NAV3: variants seen among roughly 807,000 people sequenced by gnomAD.
NAV3 encodes the protein pore membrane and/or filament interacting like protein 1.
NAV3 carries 87 observed loss-of-function variants against 244.7 expected under a neutral mutation model. That is an observed-to-expected ratio of 0.36 (90% confidence interval 0.30 to 0.42). The LOEUF (loss-of-function observed/expected upper bound fraction) is 0.42. Ranked by LOEUF, NAV3 falls within the 20% of genes least tolerant of loss-of-function variation. NAV3 has a pLI of 1.00. For missense variants in NAV3, 2,663 were observed against 2,893.3 expected (o/e 0.92, Z 1.83); for synonymous variants, 1,126 against 1,042.2 (o/e 1.08, Z -1.55).
intron 2 of NAV3, among the ~76,000 whole-genome samples, chr12:77,638,526 A>G (rs1348886382): frequency 1.3e-5 from 2 of 152,238 alleles, no homozygotes; most frequent in Non-Finnish European, 2.9e-5. Flanking sequence ...GTAGTTAAGT[A>G]TGCACAGTCT....
chr12:77,657,630 C>G (rs1445965461), intron 2 of NAV3, among the ~76,000 whole-genome samples: 1 of 152,110 alleles, frequency 6.6e-6, no homozygotes, highest in African/African-American at 2.4e-5. Context: ...ATCCTGATAC[C>G]AAAGCCGGGC....
At chr12:77,650,963 A>G (rs1468636983) in intron 2 of NAV3, among the ~76,000 whole-genome samples, 3 of 152,078 alleles carry the variant, frequency 2.0e-5, no homozygotes, top group Non-Finnish European at 4.4e-5. Context: ...TAAAAATTCC[A>G]TTTTTTATAA....
chr12:77,782,488 G>A (rs1319758374), intron 2 of NAV3, among the ~76,000 whole-genome samples: 1 of 152,040 alleles, frequency 6.6e-6, no homozygotes, highest in Non-Finnish European at 1.5e-5. Flanking sequence ...TTAAAAACTT[G>A]CTTCATGAAT....
At chr12:77,711,342 C>T (rs911171996) in intron 2 of NAV3, among the ~76,000 whole-genome samples, 4 of 152,206 alleles carry the variant, frequency 2.6e-5, no homozygotes, top group African/African-American at 9.6e-5. Flanking sequence ...CTTTTGCTGT[C>T]TGTGCATCTC....
chr12:77,818,678 G>A (rs1170971409), intron 2 of NAV3, among the ~76,000 whole-genome samples: 1 of 151,914 alleles, frequency 6.6e-6, no homozygotes, highest in Non-Finnish European at 1.5e-5. Flanking sequence ...AGTATCTGAT[G>A]GTCTCCATTA....
chr12:77,731,588 A>G (rs147095548), intron 2 of NAV3, among the ~76,000 whole-genome samples: 23 of 152,086 alleles, frequency 1.5e-4, no homozygotes, highest in African/African-American at 5.5e-4. Flanking sequence ...CATTTTCCAT[A>G]TACGAATTCA....
chr12:77,929,798 A>ATTTTTTTTTTTTTTTTTT (rs10602394), intron 1 of NAV3, among the ~76,000 whole-genome samples: 1 of 106,044 alleles, frequency 9.4e-6, no homozygotes, highest in Non-Finnish European at 1.8e-5. Flanking sequence ...ACGGCCAGCT[A>ATTTTTTTTTTTTTTTTTT]TTTTTTTTTT....
chr12:78,163,443 G>A (rs1049024198), intron 23 of NAV3, among the ~76,000 whole-genome samples: 1 of 151,972 alleles, frequency 6.6e-6, no homozygotes, highest in African/African-American at 2.4e-5. Flanking sequence ...ACAATGTCAT[G>A]TGCATTCTCA....
intron 2 of NAV3, among the ~76,000 whole-genome samples, chr12:77,610,937 C>G (rs1436819403): frequency 6.6e-6 from 1 of 150,454 alleles, no homozygotes; most frequent in African/African-American, 2.4e-5. Flanking sequence ...GAAGTAAAAA[C>G]TAAACCTTTG....
chr12:78,111,732 A>T (rs300434), intron 12 of NAV3, among the ~76,000 whole-genome samples: 7,778 of 151,798 alleles, frequency 0.051, 259 homozygotes, highest in Non-Finnish European at 0.072. Flanking sequence ...TTTGGAAAAA[A>T]TTTTTTCCAG....
At chr12:77,589,258 C>T (rs1384034619) in intron 2 of NAV3, among the ~76,000 whole-genome samples, 5 of 152,286 alleles carry the variant, frequency 3.3e-5, no homozygotes, top group African/African-American at 1.2e-4. Context: ...CATTGAACCT[C>T]AACTTCAGAC....
chr12:77,911,667 C>G (rs1003269815), intron 1 of NAV3, among the ~76,000 whole-genome samples: 2 of 151,920 alleles, frequency 1.3e-5, no homozygotes, highest in Admixed American at 1.3e-4. Context: ...AAGAGTTTAC[C>G]AAAACTCAGT....
chr12:77,781,121 G>T (rs76211030), intron 2 of NAV3, among the ~76,000 whole-genome samples: 6,695 of 152,244 alleles, frequency 0.044, 517 homozygotes, highest in African/African-American at 0.15. Context: ...AGGCTGCAAT[G>T]AAGGTGTTGA....
Position 77,940,330 on chromosome 12 carries a change from C to A in NAV3, c.255C>A (p.Asp85Glu). The change falls in exon 2 of 40, where the codon GAC becomes GAA. Residue 85 changes from aspartate to glutamate, a missense_variant. By Grantham distance (45) the Asp-to-Glu change is conservative. Transcript: ENST00000397909. ...KEKEDSKIYT[D>E]WANHYLAKSG... ...TCTCTGTTCAACAGATTTACACTGA[C>A]TGGGCCAACCACTACCTAGCAAAAT... 1 of 1,613,506 alleles carries A rather than the reference C, an allele frequency of 6.2e-7. No homozygotes were observed. The highest frequency in any genetic ancestry group is 8.5e-7 in the Non-Finnish European group (1 of 1,179,612).
chr12:77,665,482 A>G (rs1470895298), intron 2 of NAV3, among the ~76,000 whole-genome samples: 2 of 152,172 alleles, frequency 1.3e-5, no homozygotes, highest in Non-Finnish European at 2.9e-5. Context: ...AAATATTTTT[A>G]TGTGAAGATA....
chr12:77,865,262 A>C (rs1879829717), intron 1 of NAV3, among the ~76,000 whole-genome samples: 1 of 152,072 alleles, frequency 6.6e-6, no homozygotes, highest in South Asian at 2.1e-4. Context: ...CTTTTATTTT[A>C]CTTTAAAGCG....
rs570390650 is a variant in NAV3 at position 78,139,325 on chromosome 12, T to A, written c.4631-957T>A. On this transcript the variant is annotated intron_variant, in intron 19 of 39. Transcript: ENST00000397909. ...GTCTCCTGATCAGGTCTTAAGCACC[T>A]CCCATATGTCCTTGTAGTACCCACC... Among the ~76,000 whole-genome samples the A allele has an allele frequency of 1.2e-4, 18 of 152,220 alleles. 1 individual carries two copies. The South Asian group carries it at 3.7e-3, about 32-fold the overall frequency.
intron 9 of NAV3, among the ~76,000 whole-genome samples, chr12:78,029,683 G>A (rs1403218717): frequency 6.6e-6 from 1 of 152,172 alleles, no homozygotes; most frequent in Non-Finnish European, 1.5e-5. Flanking sequence ...TGAATGTAGA[G>A]ATGGAAAGCT....
At chr12:78,058,691 C>A (rs1024227259) in intron 11 of NAV3, among the ~76,000 whole-genome samples, 1 of 152,038 alleles carries the variant, frequency 6.6e-6, no homozygotes, top group African/African-American at 2.4e-5. Flanking sequence ...ATATTATCTG[C>A]AAGCCTATTC....
Sources: allele counts gnomAD v4.1 joint callset (sites outside exome capture counted in the v4.1 genomes callset), GRCh38; gene constraint gnomAD v4.1.1; transcripts MANE v1.5; gene names NCBI Gene and HGNC (gene_info 2026-07-23, HGNC 2026-07-21).